Variants in COQ5 observed in about 807,000 individuals in gnomAD.
The protein encoded by COQ5 is 2-methoxy-6-polyprenyl-1,4-benzoquinol methylase, mitochondrial.
Under a neutral mutation model 40.5 loss-of-function variants are expected in COQ5, and 27 were observed. The ratio of observed to expected loss-of-function variants is 0.67; its 90% CI spans 0.49 to 0.92. The LOEUF (loss-of-function observed/expected upper bound fraction) is 0.92, where lower values mean the gene tolerates loss of function less well. COQ5 is among the 40% of genes least tolerant of loss of function. The pLI is 0.00. For missense variants in COQ5, 409 were observed against 406.4 expected (o/e 1.01, Z -0.06); for synonymous variants, 141 against 150.0 (o/e 0.94, Z 0.44).
chr12:120,519,063 C>A (rs946797589), intron 2 of COQ5, among the ~76,000 whole-genome samples: 1 of 152,174 alleles, frequency 6.6e-6, no homozygotes, highest in Non-Finnish European at 1.5e-5. Context: ...TCCTTGCAAC[C>A]TTTCCATCAT....
At chr12:120,505,025 C>T in intron 4 of COQ5, 42 bp from the exon 5 acceptor site, 2 of 1,519,626 alleles carry the variant, frequency 1.3e-6, no homozygotes, top group Non-Finnish European at 1.8e-6. Flanking sequence ...CCTCAGTAGA[C>T]CTCACTCAAT....
chr12:120,510,432 C>A (rs1461426539), intron 3 of COQ5, among the ~76,000 whole-genome samples: 3 of 152,084 alleles, frequency 2.0e-5, no homozygotes, highest in Non-Finnish European at 4.4e-5. Context: ...GCCTTAGTAT[C>A]CCCAGTAGTT....
At position 120,503,510 on chromosome 12, in the gene COQ5, T is replaced by C; in HGVS notation, c.*274A>G. On this transcript the variant is annotated 3_prime_UTR_variant, in exon 7 of 7. Coordinates refer to ENST00000288532, the MANE Select transcript of COQ5 (RefSeq NM_032314.4). Reference sequence around the variant, plus strand: ...ACTGAGCTTTAGGGGTGGTTGTACCTTAACCACACACCCTACAGCCAAGAG... The same window carrying C: ...ACTGAGCTTTAGGGGTGGTTGTACCCTAACCACACACCCTACAGCCAAGAG... 1 of 575,988 alleles carries C rather than the reference T, an allele frequency of 1.7e-6. No homozygotes were observed. The highest frequency in any genetic ancestry group is 3.3e-6 in the Non-Finnish European group (1 of 304,726). 35.7% of individuals were successfully genotyped at this position (575,988 alleles called of 1,614,324 possible).
At chr12:120,513,379 G>C (rs1470464983) in intron 3 of COQ5, among the ~76,000 whole-genome samples, 1 of 150,918 alleles carries the variant, frequency 6.6e-6, no homozygotes, top group African/African-American at 2.4e-5. Flanking sequence ...GCATGTGCCT[G>C]TAGTCCCAGC....
chr12:120,516,029 T>G (rs147471780), intron 3 of COQ5, among the ~76,000 whole-genome samples: 1 of 152,292 alleles, frequency 6.6e-6, no homozygotes, highest in East Asian at 1.9e-4. Flanking sequence ...GCTCAAGTAA[T>G]CCTCCTATTG....
intron 2 of COQ5, among the ~76,000 whole-genome samples, chr12:120,521,064 G>GC (rs1869623438): frequency 1.6e-5 from 2 of 123,700 alleles, no homozygotes; most frequent in South Asian, 5.1e-4. Flanking sequence ...GTAATCCTGC[G>GC]TTTTTTTTTT....
chr12:120,505,319 C>G (rs1868829570), intron 4 of COQ5, among the ~76,000 whole-genome samples: 1 of 152,128 alleles, frequency 6.6e-6, no homozygotes, highest in Admixed American at 6.6e-5. Context: ...AGGAATCTAG[C>G]TTACAGAAAT....
At chr12:120,507,812 AG>A (rs1409650506) in intron 4 of COQ5, among the ~76,000 whole-genome samples, 18 of 148,126 alleles carry the variant, frequency 1.2e-4, no homozygotes, top group Non-Finnish European at 2.1e-4. Flanking sequence ...ACTTGAACCC[AG>A]GAGGCGGAGG....
chr12:120,504,408 A>ATTTTTTT (rs33973905), intron 5 of COQ5, among the ~76,000 whole-genome samples: 3 of 111,066 alleles, frequency 2.7e-5, no homozygotes, highest in Non-Finnish European at 3.5e-5. Context: ...CCTGATTTAA[A>ATTTTTTT]TTTTTTTTTT....
At chr12:120,517,638 C>T (rs770609341) in intron 2 of COQ5, among the ~76,000 whole-genome samples, 95 of 150,006 alleles carry the variant, frequency 6.3e-4, no homozygotes, top group Non-Finnish European at 1.0e-3. Context: ...GCCAAGATCG[C>T]GCCACTGCAC....
In COQ5 at chr12:120,503,669, A is replaced by G. The variant is rs1278637471; in HGVS notation, c.*115T>C. 2 of 780,798 alleles carry G rather than the reference A, an allele frequency of 2.6e-6. No homozygotes were observed. Among genetic ancestry groups the G allele is most frequent in the South Asian group, 2.9e-5 (2 of 69,584 alleles). The allele number at this position is 780,798 out of a possible 1,614,324, so 48.4% of individuals were successfully genotyped here. Reference sequence around the variant, plus strand: ...GACTGTTCGATTCAAACATGAGTCCAAGGCACGTATCCTTAAGAGGAGATG... The same window carrying G: ...GACTGTTCGATTCAAACATGAGTCCGAGGCACGTATCCTTAAGAGGAGATG... On this transcript the variant is annotated 3_prime_UTR_variant, in exon 7 of 7. Coordinates refer to ENST00000288532, the MANE Select transcript of COQ5 (RefSeq NM_032314.4).
chr12:120,511,092 C>G (rs1481552595), intron 3 of COQ5, among the ~76,000 whole-genome samples: 3 of 151,822 alleles, frequency 2.0e-5, no homozygotes, highest in Admixed American at 1.3e-4. Context: ...CCCGTCTCTA[C>G]TAAAAATACA....
In COQ5 at chr12:120,529,067, C is replaced by G. The variant is rs759279144; in HGVS notation, c.75G>C (p.Gln25His). The change falls in exon 1 of 7, where the codon CAG becomes CAC. Residue 25 changes from glutamine (Q) to histidine (H), a missense_variant. Physicochemically the swap from Gln to His is conservative, Grantham distance 24. Transcript: ENST00000288532. ...GCCAAGAGCTACGAAGCCCGAGGAG[C>G]TGGCAGCCCCGCATCGCCCGCGACC... ...RGWSRAMRGC[Q>H]LLGLRSSWPG... The G allele has an allele frequency of 5.0e-6, 8 of 1,614,196 alleles. No homozygotes were observed. The highest frequency in any genetic ancestry group is 6.8e-6 in the Non-Finnish European group (8 of 1,180,038).
At chr12:120,521,810 AAC>A (rs1178443317) in intron 2 of COQ5, among the ~76,000 whole-genome samples, 8 of 152,136 alleles carry the variant, frequency 5.3e-5, no homozygotes, top group African/African-American at 1.2e-4. Flanking sequence ...CAGCCTGGGA[AAC>A]ACAGTGAAAC....
At chr12:120,515,035 AC>A (rs752830598) in intron 3 of COQ5, among the ~76,000 whole-genome samples, 2 of 150,660 alleles carry the variant, frequency 1.3e-5, no homozygotes, top group African/African-American at 4.9e-5. Flanking sequence ...CAGGGGATCC[AC>A]CCCCCCTCGG....
At chr12:120,511,053 G>A (rs1002530810) in intron 3 of COQ5, among the ~76,000 whole-genome samples, 31 of 151,886 alleles carry the variant, frequency 2.0e-4, no homozygotes, top group African/African-American at 7.3e-4. Flanking sequence ...GGCAGATCAC[G>A]AGGTCAGGAG....
chr12:120,511,658 A>G (rs1340253100), intron 3 of COQ5, among the ~76,000 whole-genome samples: 7 of 152,172 alleles, frequency 4.6e-5, no homozygotes, highest in Non-Finnish European at 8.8e-5. Flanking sequence ...TTGCTTGCCC[A>G]AGGTCACACA....
chr12:120,528,505 T>G (rs1203541787), intron 1 of COQ5, among the ~76,000 whole-genome samples: 1 of 152,134 alleles, frequency 6.6e-6, no homozygotes, highest in East Asian at 1.9e-4. Flanking sequence ...TCATCAGTAT[T>G]CTGCTTTTAA....
At chr12:120,528,629 C>T (rs922054639) in intron 1 of COQ5, among the ~76,000 whole-genome samples, 1 of 151,860 alleles carries the variant, frequency 6.6e-6, no homozygotes, top group Non-Finnish European at 1.5e-5. Flanking sequence ...TGGTGAAACC[C>T]CATCTCTAGT....
Sources: gnomAD v4.1 joint callset for allele counts (sites outside exome capture counted in the v4.1 genomes callset) on GRCh38, gnomAD v4.1.1 for gene constraint, MANE v1.5 for transcripts, NCBI Gene and HGNC (gene_info 2026-07-23, HGNC 2026-07-21) for gene names.